The following WDSUB1 variants were observed in gnomAD, a reference collection of about 807,000 sequenced individuals.
WDSUB1 encodes WD repeat, SAM and U-box domain-containing protein 1.
Under a neutral mutation model 53.9 loss-of-function variants are expected in WDSUB1, and 49 were observed. That is an observed-to-expected ratio of 0.91 (90% CI 0.72 to 1.15). The LOEUF is 1.15. Among genes scored for constraint, WDSUB1 ranks in the 50% most tolerant of loss-of-function variants. The probability of loss-of-function intolerance (pLI) is 0.00; values close to 1 mark genes in which losing one functional copy is unlikely to be tolerated. For synonymous variants in WDSUB1, 194 were observed against 200.6 expected (o/e 0.97, Z 0.28); for missense variants, 514 against 562.0 (o/e 0.91, Z 0.86).
At chr2:159,245,154 T>C (rs1353741601) in intron 10 of WDSUB1, among the ~76,000 whole-genome samples, 1 of 152,098 alleles carries the variant, frequency 6.6e-6, no homozygotes, top group Non-Finnish European at 1.5e-5. Flanking sequence ...AAGATCTATG[T>C]GGAAATGCAA....
chr2:159,259,759 G>T, intron 6 of WDSUB1, 51 bp downstream of exon 6: 3 of 1,475,526 alleles, frequency 2.0e-6, no homozygotes, highest in Non-Finnish European at 2.7e-6. Flanking sequence ...AAGTTCAGTA[G>T]TCTAATAAAC....
At chr2:159,241,618 T>A (rs2060649850) in intron 10 of WDSUB1, among the ~76,000 whole-genome samples, 1 of 147,922 alleles carries the variant, frequency 6.8e-6, no homozygotes, top group Non-Finnish European at 1.5e-5. Context: ...CAAATTTTTT[T>A]AAAGATTGGA....
At chr2:159,273,507 G>A (rs530791149) in intron 4 of WDSUB1, among the ~76,000 whole-genome samples, 2 of 151,936 alleles carry the variant, frequency 1.3e-5, no homozygotes, top group South Asian at 4.2e-4. Context: ...TGCAACCTCC[G>A]CCTCCTGGGT....
intron 10 of WDSUB1, among the ~76,000 whole-genome samples, chr2:159,236,777 T>C (rs1010664853): frequency 6.6e-6 from 1 of 152,130 alleles, no homozygotes; most frequent in African/African-American, 2.4e-5. Context: ...AGGCACCTGG[T>C]ACCACATCTG....
intron 5 of WDSUB1, among the ~76,000 whole-genome samples, chr2:159,266,227 C>T (rs928310576): frequency 3.9e-5 from 6 of 151,916 alleles, no homozygotes; most frequent in Non-Finnish European, 7.4e-5. Context: ...CTTGCTCTGT[C>T]GCCCAGGCTG....
Position 159,259,854 on chromosome 2 carries a change from A to C in WDSUB1, c.771-11T>G. On this transcript the variant is annotated splice_polypyrimidine_tract_variant and intron_variant, in intron 5 of 10. Coordinates refer to ENST00000359774, the MANE Select transcript of WDSUB1 (RefSeq NM_001128212.3). ...GACTTATCCACTGACCTTAAAAGAA[A>C]ATAAATTATAGGTGAAAAGTTCTAT... 6.6e-7 allele frequency: 1 copy of C among 1,510,804 alleles called. No individual in the cohort carries two copies. Among genetic ancestry groups the C allele is most frequent in the East Asian group, 2.4e-5 (1 of 42,534 alleles). 93.6% of individuals were successfully genotyped at this position (1,510,804 alleles called of 1,614,324 possible).
At chr2:159,250,050 C>A (rs1233763265) in intron 9 of WDSUB1, among the ~76,000 whole-genome samples, 1 of 145,092 alleles carries the variant, frequency 6.9e-6, no homozygotes, top group Non-Finnish European at 1.5e-5. Context: ...GATGGCGCCA[C>A]TGCATTCCAG....
At chr2:159,262,551 A>G (rs913993822) in intron 5 of WDSUB1, among the ~76,000 whole-genome samples, 3 of 152,198 alleles carry the variant, frequency 2.0e-5, no homozygotes, top group African/African-American at 7.2e-5. Flanking sequence ...TTATAAACAC[A>G]TGAACAGACC....
rs143586848 is a variant in WDSUB1 at position 159,250,178 on chromosome 2, G to A, written c.1133-1666C>T. On this transcript the variant is annotated intron_variant, in intron 9 of 10. Transcript: ENST00000359774. ...GTGTCACGAGTAATAAACCGTTTGA[G>A]TCAGTCAGGGCTCATTGCCCACATT... Among the ~76,000 whole-genome samples the A allele has an allele frequency of 8.1e-3, 1,228 of 151,388 alleles. 12 individuals are homozygous for A. Among genetic ancestry groups the A allele is most frequent in the African/African-American group, 0.023 (947 of 41,372 alleles).
At chr2:159,249,238 G>C (rs143655942) in intron 9 of WDSUB1, among the ~76,000 whole-genome samples, 292 of 152,278 alleles carry the variant, frequency 1.9e-3, no homozygotes, top group African/African-American at 6.5e-3. Context: ...AATGAAACTG[G>C]ATATATTTGC....
intron 9 of WDSUB1, among the ~76,000 whole-genome samples, chr2:159,250,159 C>T (rs549339594): frequency 6.0e-4 from 91 of 150,662 alleles, no homozygotes; most frequent in African/African-American, 2.0e-3. Flanking sequence ...TGCTGTGTCA[C>T]GAGTAATAAA....
intron 2 of WDSUB1, among the ~76,000 whole-genome samples, chr2:159,281,612 C>T (rs958830209): frequency 6.6e-6 from 1 of 152,172 alleles, no homozygotes; most frequent in Admixed American, 6.5e-5. Flanking sequence ...GGTCATTCAT[C>T]CAGCAAGAAT....
chr2:159,247,886 AATATATATATATATATATAT>A (rs373694392), intron 10 of WDSUB1, among the ~76,000 whole-genome samples: 5 of 63,800 alleles, frequency 7.8e-5, no homozygotes, highest in African/African-American at 2.7e-4. Flanking sequence ...AAATTAAATA[AATATATATATATATATATAT>A]ATAAATATAT....
At chr2:159,247,447 T>C (rs1212005768) in intron 10 of WDSUB1, among the ~76,000 whole-genome samples, 3 of 152,184 alleles carry the variant, frequency 2.0e-5, no homozygotes, top group Non-Finnish European at 4.4e-5. Flanking sequence ...AAAACAACTA[T>C]TAAGCTGGCA....
intron 10 of WDSUB1, among the ~76,000 whole-genome samples, chr2:159,244,426 A>G (rs2060737529): frequency 6.6e-6 from 1 of 151,078 alleles, no homozygotes; most frequent in African/African-American, 2.4e-5. Context: ...ACAGCTATTT[A>G]CAAAGCACTT....
At chr2:159,254,021 A>G (rs980500473) in intron 9 of WDSUB1, among the ~76,000 whole-genome samples, 1 of 152,320 alleles carries the variant, frequency 6.6e-6, no homozygotes, top group African/African-American at 2.4e-5. Context: ...ACACAAGCCT[A>G]AGAGTCCTTA....
chr2:159,257,959 C>A lies in WDSUB1; in HGVS notation c.831G>T (p.Leu277Phe), dbSNP rs944790563. The part of the protein sequence containing the change: ...DTNTENILHT[L>F]TQHTRYVTTC... Reference sequence around the variant, plus strand: ...TAAGTTCAGACCTGGTGTGCTGAGTCAATGTGTGAAGTATATTCTCAGTAT... The same window carrying A: ...TAAGTTCAGACCTGGTGTGCTGAGTAAATGTGTGAAGTATATTCTCAGTAT... Residue 277 changes from leucine to phenylalanine, a missense_variant, in exon 7 of 11, where the codon TTG (leucine) becomes TTT (phenylalanine). Transcript: ENST00000359774. The A allele has an allele frequency of 1.9e-6, 3 of 1,613,346 alleles. No homozygotes were observed. The highest frequency in any genetic ancestry group is 1.7e-5 in the Admixed American group (1 of 60,020).
In WDSUB1 at chr2:159,241,719, C is replaced by CTTTTTT. The variant is rs527377114; in HGVS notation, c.1274-5535_1274-5530dup. 4.6e-5 allele frequency among the ~76,000 whole-genome samples: 6 copies of CTTTTTT among 130,380 alleles called. 2 individuals carry two copies. The highest frequency in any genetic ancestry group is 6.3e-5 in the African/African-American group (2 of 31,710). 85.5% of individuals were successfully genotyped at this position (130,380 alleles called of 152,430 possible). A position where few individuals can be genotyped will look rare whatever the true frequency, so the allele number is the denominator to read the frequency against. On this transcript the variant is annotated intron_variant, in intron 10 of 10. Transcript: ENST00000359774. ...CATGACTGGGGATGTTTTCTTTTTTCTTTTTTTTTTTGAGATGGAGTCTCA... is the reference window on the plus strand; with the variant it reads ...CATGACTGGGGATGTTTTCTTTTTTCTTTTTTTTTTTTTTTTTGAGATGGAGTCTCA...
intron 10 of WDSUB1, among the ~76,000 whole-genome samples, chr2:159,244,530 A>T (rs2060742102): frequency 6.6e-6 from 1 of 152,172 alleles, no homozygotes; most frequent in South Asian, 2.1e-4. Flanking sequence ...GTGTTGAGGG[A>T]GTTGGTTACT....
Sources: allele counts gnomAD v4.1 joint callset (sites outside exome capture counted in the v4.1 genomes callset), GRCh38; gene constraint gnomAD v4.1.1; transcripts MANE v1.5; gene names NCBI Gene and HGNC (gene_info 2026-07-23, HGNC 2026-07-21).